The following SORCS2 variants were observed in gnomAD, a reference collection of about 807,000 sequenced individuals.
SORCS2 encodes VPS10 domain-containing receptor SorCS2.
A neutral mutation model predicts 141.6 loss-of-function variants in SORCS2; 100 were observed. The ratio of observed to expected loss-of-function variants is 0.71; its 90% confidence interval spans 0.60 to 0.83. SORCS2 has a LOEUF of 0.83. SORCS2 is among the 40% of genes least tolerant of loss of function. SORCS2 has a pLI of 0.00. For missense variants in SORCS2, 1,646 were observed against 1,560.2 expected, an observed-to-expected ratio of 1.05 and a Z score of -0.93; for synonymous variants, 789 against 676.9, an observed-to-expected ratio of 1.17 and a Z score of -2.57.
intron 25 of SORCS2, among the ~76,000 whole-genome samples, chr4:7,736,549 G>A (rs538977729): frequency 1.3e-4 from 20 of 152,292 alleles, no homozygotes; most frequent in Middle Eastern, 3.4e-3. Context: ...GGCGGGTCCT[G>A]AGCCGGGTCC....
intron 19 of SORCS2, 47 bp downstream of exon 19, chr4:7,723,930 A>G (rs765814445): frequency 1.3e-6 from 2 of 1,517,628 alleles, no homozygotes; most frequent in South Asian, 1.2e-5. Context: ...CCTTTGAGAG[A>G]GAGAACCTGG....
chr4:7,339,274 C>G (rs1160539254), intron 1 of SORCS2, among the ~76,000 whole-genome samples: 1 of 152,148 alleles, frequency 6.6e-6, no homozygotes, highest in Non-Finnish European at 1.5e-5. Context: ...ACAGGAGGCA[C>G]CAGTATGAGT....
chr4:7,509,428 C>G (rs552662473), intron 2 of SORCS2, among the ~76,000 whole-genome samples: 1 of 152,296 alleles, frequency 6.6e-6, no homozygotes, highest in East Asian at 1.9e-4. Context: ...GCTCAGCAGG[C>G]CGGAGCACAG....
intron 1 of SORCS2, among the ~76,000 whole-genome samples, chr4:7,248,963 T>C (rs1408692473): frequency 1.3e-5 from 2 of 152,220 alleles, no homozygotes; most frequent in African/African-American, 4.8e-5. Context: ...AGAAGTATCA[T>C]GGGCCCCTTG....
At chr4:7,452,433 T>G (rs1407745481) in intron 2 of SORCS2, among the ~76,000 whole-genome samples, 1 of 152,216 alleles carries the variant, frequency 6.6e-6, no homozygotes, top group Non-Finnish European at 1.5e-5. Flanking sequence ...TGAGCCACTG[T>G]GCTCGGCCTG....
At chr4:7,483,011 G>A (rs1282932353) in intron 2 of SORCS2, among the ~76,000 whole-genome samples, 1 of 152,156 alleles carries the variant, frequency 6.6e-6, no homozygotes, top group Non-Finnish European at 1.5e-5. Flanking sequence ...TAAATCCTAT[G>A]ACTGATGTCC....
intron 2 of SORCS2, among the ~76,000 whole-genome samples, chr4:7,519,927 A>G (rs1733219050): frequency 2.0e-5 from 3 of 152,248 alleles, no homozygotes; most frequent in Admixed American, 2.0e-4. Flanking sequence ...GGCAGGGAGC[A>G]TCAGTCACTT....
At chr4:7,408,067 G>C (rs964732986) in intron 2 of SORCS2, among the ~76,000 whole-genome samples, 2 of 152,064 alleles carry the variant, frequency 1.3e-5, no homozygotes, top group African/African-American at 2.4e-5. Context: ...TTCAATAGAT[G>C]TATCTTCTGG....
chr4:7,460,917 C>T (rs1345026816), intron 2 of SORCS2, among the ~76,000 whole-genome samples: 2 of 152,120 alleles, frequency 1.3e-5, no homozygotes, highest in Non-Finnish European at 2.9e-5. Flanking sequence ...TTTCATGGGA[C>T]CACACTCAAC....
intron 3 of SORCS2, among the ~76,000 whole-genome samples, chr4:7,628,618 G>T (rs1719677735): frequency 6.6e-6 from 1 of 152,150 alleles, no homozygotes; most frequent in Non-Finnish European, 1.5e-5. Context: ...ATGCCAGGTA[G>T]GGCTTGGGAT....
rs1305293183 is a variant in SORCS2, at chr4:7,704,278, T to A, written c.1862T>A (p.Val621Asp). ...LLSEPGDETL[V>D]MTVFGHISFR... ...AGTGAGCCAGGGGACGAGACGCTGG[T>A]CATGACGTGAGTGCGGGGACCGGGG... Residue 621 changes from valine (V) to aspartate (D), a missense_variant, in exon 14 of 27, where the codon GTC (valine) becomes GAC (aspartate). Physicochemically the swap from Val to Asp is radical, Grantham distance 152. Coordinates refer to ENST00000507866, the MANE Select transcript of SORCS2 (RefSeq NM_020777.3). 1.2e-6 allele frequency: 2 copies of A among 1,610,340 alleles called. No individual in the cohort carries two copies. Among genetic ancestry groups the A allele is most frequent in the Non-Finnish European group, 8.5e-7 (1 of 1,178,658 alleles).
chr4:7,714,933 G>A (rs1357770864), intron 16 of SORCS2, among the ~76,000 whole-genome samples: 4 of 152,146 alleles, frequency 2.6e-5, no homozygotes, highest in Non-Finnish European at 5.9e-5. Context: ...CATCCTTTGA[G>A]ATTTGCTCAC....
rs553607874 is a variant in SORCS2 at position 7,740,457 on chromosome 4, G to A, written c.*193G>A. On this transcript the variant is annotated 3_prime_UTR_variant, in exon 27 of 27. Transcript: ENST00000507866. ...CCACGGGGGGCCCACGGGACCCCCCGGGACTCCCCGGACATGGCCCTGCCC... is the reference window on the plus strand; with the variant it reads ...CCACGGGGGGCCCACGGGACCCCCCAGGACTCCCCGGACATGGCCCTGCCC... 15 of 593,562 alleles carry A rather than the reference G, an allele frequency of 2.5e-5. No homozygotes were observed. The highest frequency in any genetic ancestry group is 3.9e-5 in the South Asian group (2 of 50,896). The allele number at this position is 593,562 out of a possible 1,614,324, so 36.8% of individuals were successfully genotyped here.
At chr4:7,690,755 G>T (rs954404824) in intron 11 of SORCS2, among the ~76,000 whole-genome samples, 40 of 152,166 alleles carry the variant, frequency 2.6e-4, no homozygotes, top group African/African-American at 9.2e-4. Flanking sequence ...TTATATCATG[G>T]TTGATATTTA....
intron 2 of SORCS2, among the ~76,000 whole-genome samples, chr4:7,483,880 G>T (rs750429465): frequency 6.6e-6 from 1 of 152,062 alleles, no homozygotes; most frequent in Non-Finnish European, 1.5e-5. Context: ...AAACCTGCAC[G>T]TTCTGCACAT....
chr4:7,381,828 A>C (rs563676388), intron 1 of SORCS2: 1 of 860,766 alleles, frequency 1.2e-6, no homozygotes, highest in African/African-American at 1.8e-5. Context: ...ATGTGCCAGG[A>C]GCCAGGGCCA....
chr4:7,345,594 C>G lies in SORCS2; in HGVS notation c.481-50694C>G, dbSNP rs931980071. 2.0e-5 allele frequency among the ~76,000 whole-genome samples: 3 copies of G among 151,230 alleles called. No homozygotes were observed. The East Asian group carries it at 5.8e-4, about 29-fold the overall frequency. Reference sequence around the variant, plus strand: ...ACAAGTCCTAGGACCTCTCCATAGACAAGTCCTAGGACCTCTCCAAACCTC... The same window carrying G: ...ACAAGTCCTAGGACCTCTCCATAGAGAAGTCCTAGGACCTCTCCAAACCTC... On this transcript the variant is annotated intron_variant, in intron 1 of 26. Coordinates refer to ENST00000507866, the MANE Select transcript of SORCS2 (RefSeq NM_020777.3).
chr4:7,653,079 C>T (rs967708138), intron 4 of SORCS2, among the ~76,000 whole-genome samples: 1 of 152,218 alleles, frequency 6.6e-6, no homozygotes. Context: ...CCCTGGCACT[C>T]ACCAGGGACA....
chr4:7,662,996 G>A (rs539621532), intron 6 of SORCS2, among the ~76,000 whole-genome samples: 7 of 151,742 alleles, frequency 4.6e-5, no homozygotes, highest in African/African-American at 1.2e-4. Flanking sequence ...GTGAGTGAGC[G>A]AGTGAGTGGA....
Sources: allele counts gnomAD v4.1 joint callset (sites outside exome capture counted in the v4.1 genomes callset), GRCh38; gene constraint gnomAD v4.1.1; transcripts MANE v1.5; gene names NCBI Gene and HGNC (gene_info 2026-07-23, HGNC 2026-07-21).